Variants in SYN2 observed in about 807,000 individuals in gnomAD.
The protein encoded by SYN2 is synapsin-2.
SYN2 carries 19 observed loss-of-function variants against 50.9 expected under a neutral mutation model. That is an observed-to-expected ratio of 0.37 (90% CI 0.26 to 0.55). The LOEUF is 0.55. Among genes scored for constraint, SYN2 ranks in the 20% least tolerant of loss-of-function variants. SYN2 has a pLI of 0.81. For missense variants in SYN2, 587 were observed against 576.4 expected (o/e 1.02, Z -0.19); for synonymous variants, 255 against 224.9 (o/e 1.13, Z -1.20).
intron 1 of SYN2, among the ~76,000 whole-genome samples, chr3:12,045,518 C>T (rs368807286): frequency 1.3e-5 from 2 of 152,248 alleles, no homozygotes; most frequent in East Asian, 1.9e-4. Flanking sequence ...TGGGGGATTC[C>T]GTTACTTAGA....
intron 1 of SYN2, among the ~76,000 whole-genome samples, chr3:12,093,223 T>A (rs1163297924): frequency 6.6e-6 from 1 of 152,236 alleles, no homozygotes; most frequent in Non-Finnish European, 1.5e-5. Context: ...GAACAGATTC[T>A]GGAGAATAAA....
At chr3:12,033,670 T>C (rs1286116202) in intron 1 of SYN2, among the ~76,000 whole-genome samples, 1 of 152,210 alleles carries the variant, frequency 6.6e-6, no homozygotes, top group Non-Finnish European at 1.5e-5. Context: ...GTATTTCCCA[T>C]TCCTCCCTTA....
At chr3:12,184,816 G>A (rs1015113883) in intron 11 of SYN2, 6 of 985,702 alleles carry the variant, frequency 6.1e-6, no homozygotes, top group South Asian at 9.4e-5. Context: ...GGCTGGGAAC[G>A]GGCACCAAGC....
chr3:12,019,923 C>G (rs1559387810), intron 1 of SYN2, among the ~76,000 whole-genome samples: 1 of 152,184 alleles, frequency 6.6e-6, no homozygotes, highest in Non-Finnish European at 1.5e-5. Context: ...AAGCTCCTTT[C>G]TGATCTCTGC....
Position 12,126,547 on chromosome 3 carries a change from G to A in SYN2, c.378-14104G>A, listed in dbSNP as rs1033796463. On this transcript the variant is annotated intron_variant, in intron 1 of 12. Coordinates refer to ENST00000621198, the MANE Select transcript of SYN2 (RefSeq NM_133625.6). ...CAAATGAAGAAAAAACAATTCAGATGAATTCCTAATGTACAAAAATTTTTG... is the reference window on the plus strand; with the variant it reads ...CAAATGAAGAAAAAACAATTCAGATAAATTCCTAATGTACAAAAATTTTTG... Among the ~76,000 whole-genome samples the A allele has an allele frequency of 3.9e-5, 6 of 152,112 alleles. No individual in the cohort carries two copies. The East Asian group carries it at 1.2e-3, about 29-fold the overall frequency.
At chr3:12,073,099 A>G (rs1364978519) in intron 1 of SYN2, among the ~76,000 whole-genome samples, 1 of 152,168 alleles carries the variant, frequency 6.6e-6, no homozygotes, top group Non-Finnish European at 1.5e-5. Flanking sequence ...CCAACATTCT[A>G]CAGTTTCAAT....
chr3:12,139,314 TC>T (rs1696965087), intron 1 of SYN2, among the ~76,000 whole-genome samples: 1 of 152,116 alleles, frequency 6.6e-6, no homozygotes, highest in Admixed American at 6.5e-5. Flanking sequence ...CATCATTAAG[TC>T]CCTTGTGAGT....
chr3:12,072,879 T>G (rs894587883), intron 1 of SYN2, among the ~76,000 whole-genome samples: 1 of 152,226 alleles, frequency 6.6e-6, no homozygotes, highest in African/African-American at 2.4e-5. Flanking sequence ...TATTAAAATA[T>G]GTATTGTTCT....
chr3:12,147,871 T>C (rs1697188407), intron 4 of SYN2, among the ~76,000 whole-genome samples: 1 of 152,086 alleles, frequency 6.6e-6, no homozygotes, highest in South Asian at 2.1e-4. Context: ...CCCAGCACTT[T>C]GGGAGGCTGA....
At chr3:12,135,299 A>T (rs1429380163) in intron 1 of SYN2, among the ~76,000 whole-genome samples, 2 of 152,170 alleles carry the variant, frequency 1.3e-5, no homozygotes, top group Non-Finnish European at 1.5e-5. Flanking sequence ...TAGGTGGGGA[A>T]ATAGGAATCT....
chr3:12,141,198 A>ATTT (rs10715385), intron 2 of SYN2, among the ~76,000 whole-genome samples: 1 of 145,120 alleles, frequency 6.9e-6, no homozygotes, highest in Non-Finnish European at 1.5e-5. Flanking sequence ...TGAAAGTCCA[A>ATTT]TTTTTTTTTT....
chr3:12,135,603 G>A (rs1696880188), intron 1 of SYN2, among the ~76,000 whole-genome samples: 1 of 152,124 alleles, frequency 6.6e-6, no homozygotes, highest in Non-Finnish European at 1.5e-5. Context: ...TTATACTCTA[G>A]GCTCTTTCAG....
intron 1 of SYN2, among the ~76,000 whole-genome samples, chr3:12,139,945 T>A (rs958393986): frequency 2.6e-5 from 4 of 152,254 alleles, no homozygotes; most frequent in Non-Finnish European, 5.9e-5. Context: ...AATTAATGCA[T>A]TAATGTGAGG....
intron 1 of SYN2, among the ~76,000 whole-genome samples, chr3:12,061,926 G>A (rs535581545): frequency 1.3e-5 from 2 of 152,140 alleles, no homozygotes; most frequent in South Asian, 4.1e-4. Context: ...ACTCAATATT[G>A]TTAAGATGTC....
intron 1 of SYN2, among the ~76,000 whole-genome samples, chr3:12,106,294 C>T (rs1227960437): frequency 6.6e-6 from 1 of 152,206 alleles, no homozygotes; most frequent in Non-Finnish European, 1.5e-5. Flanking sequence ...AGAAAACTCT[C>T]TGCTTTTAAA....
chr3:12,185,362 G>T (rs1437773873), intron 11 of SYN2: 2 of 985,626 alleles, frequency 2.0e-6, no homozygotes, highest in Admixed American at 6.1e-5. Context: ...TCATTTGTGA[G>T]CCACAAATGC....
At position 12,077,097 on chromosome 3, in the gene SYN2, A is replaced by G. The variant is rs571022992; in HGVS notation, c.378-63554A>G. Among the ~76,000 whole-genome samples, 15 of 152,128 alleles carry G rather than the reference A, an allele frequency of 9.9e-5. No individual in the cohort carries two copies. The South Asian group carries it at 1.9e-3, about 19-fold the overall frequency. On this transcript the variant is annotated intron_variant, in intron 1 of 12. Coordinates refer to ENST00000621198, the MANE Select transcript of SYN2 (RefSeq NM_133625.6). ...CTCAGTGCAGGTTTGCGATGGGGCA[A>G]TCTTGCTACAGTATCTCCTCTGTGA...
chr3:12,180,337 C>A (rs1000367775), intron 10 of SYN2, among the ~76,000 whole-genome samples: 1 of 152,192 alleles, frequency 6.6e-6, no homozygotes, highest in African/African-American at 2.4e-5. Flanking sequence ...CACATTCTTA[C>A]CTGTTTGAAT....
At chr3:12,042,835 A>G (rs1156622513) in intron 1 of SYN2, among the ~76,000 whole-genome samples, 1 of 152,144 alleles carries the variant, frequency 6.6e-6, no homozygotes, top group Non-Finnish European at 1.5e-5. Context: ...GATTGCAGCT[A>G]GGCAACTACA....
Sources: gnomAD v4.1 joint callset for allele counts (sites outside exome capture counted in the v4.1 genomes callset) on GRCh38, gnomAD v4.1.1 for gene constraint, MANE v1.5 for transcripts, NCBI Gene and HGNC (gene_info 2026-07-23, HGNC 2026-07-21) for gene names.